Variants in STIM2 observed in about 807,000 individuals in gnomAD.
The protein encoded by STIM2 is stromal interaction molecule 2.
In STIM2, 31 loss-of-function variants were observed where a neutral mutation model predicts 85.8. That is an observed-to-expected ratio of 0.36 (90% confidence interval 0.27 to 0.49). STIM2 has a LOEUF of 0.49. Ranked by LOEUF, STIM2 falls within the 20% of genes least tolerant of loss-of-function variation. STIM2 has a pLI of 0.98. For missense variants in STIM2, 841 were observed against 927.6 expected, an observed-to-expected ratio of 0.91 and a Z score of 1.21; for synonymous variants, 356 against 331.1, an observed-to-expected ratio of 1.08 and a Z score of -0.82.
intron 11 of STIM2, chr4:27,021,704 C>G (rs1728918538): frequency 2.2e-6 from 1 of 445,042 alleles, no homozygotes; most frequent in African/African-American, 2.0e-5. Context: ...AGAATGAAAG[C>G]AGGAAGACCA....
At chr4:26,999,440 C>A (rs1026656548) in intron 5 of STIM2, 93 bp downstream of exon 5, 1 of 599,480 alleles carries the variant, frequency 1.7e-6, no homozygotes, top group African/African-American at 1.9e-5. Flanking sequence ...GATAGTAGGC[C>A]TCTAAGAAGA....
chr4:27,009,064 C>G, intron 10 of STIM2, 62 bp downstream of exon 10: 3 of 1,418,590 alleles, frequency 2.1e-6, no homozygotes, highest in Non-Finnish European at 2.9e-6. Context: ...CTCCTATGTC[C>G]TTTTAGGAAT....
At chr4:26,941,404 C>T (rs926929594) in intron 2 of STIM2, among the ~76,000 whole-genome samples, 1 of 152,018 alleles carries the variant, frequency 6.6e-6, no homozygotes, top group African/African-American at 2.4e-5. Context: ...TTCCATTTTC[C>T]ATCCCTTATC....
At chr4:27,021,362 T>C in intron 11 of STIM2, 1 of 394,370 alleles carries the variant, frequency 2.5e-6, no homozygotes, top group South Asian at 2.0e-5. Context: ...TCAGACAAGG[T>C]GGTTAGGGCA....
intron 3 of STIM2, among the ~76,000 whole-genome samples, chr4:26,983,733 CT>C (rs1413830441): frequency 6.6e-6 from 1 of 152,156 alleles, no homozygotes; most frequent in African/African-American, 2.4e-5. Flanking sequence ...ATTAACTAGG[CT>C]TTTGTATTCA....
At chr4:27,002,172 G>A (rs1728176976) in intron 5 of STIM2, 45 bp from the exon 6 acceptor site, 5 of 1,533,918 alleles carry the variant, frequency 3.3e-6, no homozygotes, top group Non-Finnish European at 4.4e-6. Context: ...TTGAGGTCCT[G>A]TCATACTCAA....
chr4:26,993,379 A>G (rs1016006690), intron 3 of STIM2, among the ~76,000 whole-genome samples: 1 of 152,148 alleles, frequency 6.6e-6, no homozygotes, highest in East Asian at 1.9e-4. Flanking sequence ...GTTTCAATAT[A>G]AAACTATCAG....
chr4:26,912,178 G>A (rs1460557620), intron 1 of STIM2, among the ~76,000 whole-genome samples: 1 of 152,164 alleles, frequency 6.6e-6, no homozygotes, highest in East Asian at 1.9e-4. Context: ...AGTTCTCTCA[G>A]TGGTAGTAAT....
rs1454957932 is a variant in STIM2, at chr4:27,023,755, C to T, written c.*759C>T. 1.3e-5 allele frequency: 2 copies of T among 152,728 alleles called. No individual in the cohort carries two copies. Among genetic ancestry groups the T allele is most frequent in the South Asian group, 2.1e-4 (1 of 4,824 alleles). The allele number at this position is 152,728 out of a possible 1,614,324, so 9.5% of individuals were successfully genotyped here. Reference sequence around the variant, plus strand: ...ATTGCAGGCTGTATGATAAAACACACATAATTTAAAGAGAGAAGGCTCTTG... The same window carrying T: ...ATTGCAGGCTGTATGATAAAACACATATAATTTAAAGAGAGAAGGCTCTTG... On this transcript the variant is annotated 3_prime_UTR_variant, in exon 12 of 12. Coordinates refer to ENST00000467087, the MANE Select transcript of STIM2 (RefSeq NM_020860.4).
intron 1 of STIM2, among the ~76,000 whole-genome samples, chr4:26,911,944 G>T (rs1474688496): frequency 6.6e-6 from 1 of 152,142 alleles, no homozygotes; most frequent in Non-Finnish European, 1.5e-5. Flanking sequence ...ATATGAAAAA[G>T]ACTTTGCCCT....
Position 27,023,941 on chromosome 4 carries a change from G to A in STIM2, c.*945G>A, listed in dbSNP as rs534075451. The A allele has an allele frequency of 1.3e-5, 2 of 152,720 alleles. No individual in the cohort carries two copies. The highest frequency in any genetic ancestry group is 2.1e-4 in the South Asian group (1 of 4,826). 9.5% of individuals were successfully genotyped at this position (152,720 alleles called of 1,614,324 possible). Reference sequence around the variant, plus strand: ...TGTGAAAAATGTGTACTGTGGAAAAGATAATAAATTGAAGACATTATTGTG... The same window carrying A: ...TGTGAAAAATGTGTACTGTGGAAAAAATAATAAATTGAAGACATTATTGTG... On this transcript the variant is annotated 3_prime_UTR_variant, in exon 12 of 12. Coordinates refer to ENST00000467087, the MANE Select transcript of STIM2 (RefSeq NM_020860.4).
Position 27,022,675 on chromosome 4 carries a change from G to C in STIM2, c.1920G>C (p.Ser640=), listed in dbSNP as rs576781106. The C allele has an allele frequency of 6.2e-7, 1 of 1,614,186 alleles. No individual in the cohort carries two copies. Among genetic ancestry groups the C allele is most frequent in the East Asian group, 2.2e-5 (1 of 44,878 alleles). Reference sequence around the variant, plus strand: ...TAGAGGATTCCTCCCGAGGGGATTCGCCTGTAACTGTGGATGTGTCTTGGG... The same window carrying C: ...TAGAGGATTCCTCCCGAGGGGATTCCCCTGTAACTGTGGATGTGTCTTGGG... Residue 640 remains serine (S), a synonymous_variant, in exon 12 of 12, where the codon TCG becomes TCC. Coordinates refer to ENST00000467087, the MANE Select transcript of STIM2 (RefSeq NM_020860.4).
At position 27,022,622 on chromosome 4, in the gene STIM2, C is replaced by T. The variant is rs1308963533; in HGVS notation, c.1867C>T (p.Arg623Ter). 1.9e-6 allele frequency: 3 copies of T among 1,614,000 alleles called. No homozygotes were observed. Among genetic ancestry groups the T allele is most frequent in the African/African-American group, 2.7e-5 (2 of 74,896 alleles). The change falls in exon 12 of 12, where the codon CGA becomes TGA. Residue 623 changes from arginine (R) to a stop codon, truncating the protein, a stop_gained. Coordinates refer to ENST00000467087, the MANE Select transcript of STIM2 (RefSeq NM_020860.4). LOFTEE classifies it high-confidence loss of function. ...CGAGATATACCAAACATTATCTCCG[C>T]GAAAGATATCAAGAGATGAGGTGTC...
At chr4:26,871,044 A>G (rs1158575725) in intron 1 of STIM2, among the ~76,000 whole-genome samples, 2 of 152,168 alleles carry the variant, frequency 1.3e-5, no homozygotes, top group Non-Finnish European at 2.9e-5. Context: ...AGGCATTGAC[A>G]TTTGAGAATG....
At chr4:26,873,038 C>T (rs950290445) in intron 1 of STIM2, among the ~76,000 whole-genome samples, 1 of 152,148 alleles carries the variant, frequency 6.6e-6, no homozygotes, top group Non-Finnish European at 1.5e-5. Context: ...TGAGATCTGG[C>T]TATAGAAAAG....
chr4:26,947,075 A>G (rs1377321406), intron 2 of STIM2, among the ~76,000 whole-genome samples: 1 of 152,192 alleles, frequency 6.6e-6, no homozygotes, highest in Non-Finnish European at 1.5e-5. Flanking sequence ...ACAGAGGCTC[A>G]GTGATGTGTA....
intron 2 of STIM2, among the ~76,000 whole-genome samples, chr4:26,942,320 A>C (rs1206517615): frequency 2.6e-5 from 4 of 152,138 alleles, no homozygotes. Flanking sequence ...TCTCCTCAGC[A>C]ACCATATTTT....
intron 2 of STIM2, among the ~76,000 whole-genome samples, chr4:26,927,602 G>T (rs1724997706): frequency 1.5e-5 from 1 of 68,404 alleles, no homozygotes; most frequent in Non-Finnish European, 2.7e-5. Context: ...AGTGGGTGCA[G>T]CGCACCAGCA....
intron 3 of STIM2, among the ~76,000 whole-genome samples, chr4:26,961,763 A>G (rs1394258934): frequency 1.3e-5 from 2 of 151,604 alleles, no homozygotes; most frequent in African/African-American, 2.4e-5. Flanking sequence ...CCCCCATGGC[A>G]TCTTTTTTTT....
Sources: gnomAD v4.1 joint callset for allele counts (sites outside exome capture counted in the v4.1 genomes callset) on GRCh38, gnomAD v4.1.1 for gene constraint, MANE v1.5 for transcripts, NCBI Gene and HGNC (gene_info 2026-07-23, HGNC 2026-07-21) for gene names.